The following SPATA9 variants were observed in gnomAD, a reference collection of about 807,000 sequenced individuals.
SPATA9 encodes the protein spermatogenesis-associated protein 9.
A neutral mutation model predicts 25.5 loss-of-function variants in SPATA9; 27 were observed. The observed-to-expected ratio is 1.06, with a 90% confidence interval of 0.78 to 1.46. The LOEUF (loss-of-function observed/expected upper bound fraction) is 1.46. SPATA9 is among the 40% of genes most tolerant of loss of function. The probability of loss-of-function intolerance (pLI) is 0.00; values close to 1 mark genes in which losing one functional copy is unlikely to be tolerated. For missense variants in SPATA9, 282 were observed against 297.5 expected (o/e 0.95, Z 0.38); for synonymous variants, 102 against 105.7 (o/e 0.97, Z 0.21).
At chr5:95,684,409 A>G (rs1350512253), upstream of SPATA9, among the ~76,000 whole-genome samples, 3 of 152,012 alleles carry the variant, frequency 2.0e-5, no homozygotes, top group Admixed American at 6.6e-5. Context: ...ACTGATTCCA[A>G]TGTCATTGCC....
At chr5:95,710,856 T>C in the SPATA9 span, among the ~76,000 whole-genome samples, 1 of 152,192 alleles carries the variant, frequency 6.6e-6, no homozygotes, top group African/African-American at 2.4e-5. Context: ...CTCTTGGTTG[T>C]CAAAAACCTT....
upstream of SPATA9, chr5:95,684,572 C>T (rs1312225024): frequency 1.3e-5 from 2 of 152,212 alleles, no homozygotes; most frequent in African/African-American, 4.8e-5. Flanking sequence ...TAACAACGTC[C>T]TTTTTGTCTT....
Position 95,694,448 on chromosome 5 carries a change from T to C in SPATA9, n.124+4140A>G, listed in dbSNP as rs546795227. The stretch of plus-strand genomic sequence containing the variant: ...GAAAACTGGTCATTTTATGTAAATC[T>C]ACATAACTATAAAAAAGAAAAGTAT... On this transcript the variant is annotated intron_variant and non_coding_transcript_variant, in intron 1 of 2. Coordinates refer to the SPATA9 transcript ENST00000379990. Among the ~76,000 whole-genome samples, 4 of 152,290 alleles carry C rather than the reference T, an allele frequency of 2.6e-5. No individual in the cohort carries two copies. In the South Asian group the frequency reaches 6.2e-4, roughly 24 times the overall value.
At chr5:95,704,607 A>G in the SPATA9 span, among the ~76,000 whole-genome samples, 4 of 152,160 alleles carry the variant, frequency 2.6e-5, no homozygotes, top group African/African-American at 9.6e-5. Context: ...CAGCCCCATA[A>G]TATGTTCCTT....
chr5:95,675,078 CAT>C (rs1752798414), intron 3 of SPATA9, among the ~76,000 whole-genome samples: 3 of 152,066 alleles, frequency 2.0e-5, no homozygotes, highest in Non-Finnish European at 4.4e-5. Flanking sequence ...GCCTTGGAAA[CAT>C]AACAAAGTTA....
chr5:95,705,910 A>G, the SPATA9 span, among the ~76,000 whole-genome samples: 1 of 152,134 alleles, frequency 6.6e-6, no homozygotes, highest in Non-Finnish European at 1.5e-5. Context: ...CTTTTTTGAT[A>G]TTCCAAAAGG....
rs373404552 is a variant in SPATA9 at position 95,663,974 on chromosome 5, T to G, written c.453A>C (p.Ser151=). The G allele has an allele frequency of 1.9e-6, 3 of 1,581,802 alleles. No individual in the cohort carries two copies. Among genetic ancestry groups the G allele is most frequent in the South Asian group, 1.2e-5 (1 of 86,352 alleles). The part of the protein sequence containing the change: ...KTALTSIIYA[S]YAALIYLAVC... ...TTACCAAATAAATTAGTGCTGCATA[T>G]GAAGCATATATTATGCTAGTTAAAG... Residue 151 remains serine, a synonymous_variant, in exon 4 of 5, where the codon TCA becomes TCC. Coordinates refer to ENST00000274432, the MANE Select transcript of SPATA9 (RefSeq NM_031952.4).
the SPATA9 span, among the ~76,000 whole-genome samples, chr5:95,715,187 G>A: frequency 7.9e-5 from 12 of 152,038 alleles, no homozygotes; most frequent in Non-Finnish European, 1.2e-4. Context: ...AGCTGGGCGT[G>A]GTGGTGCATG....
chr5:95,711,599 G>A, the SPATA9 span, among the ~76,000 whole-genome samples: 51 of 152,310 alleles, frequency 3.3e-4, no homozygotes, highest in Middle Eastern at 3.4e-3. Flanking sequence ...AGCCCACAGG[G>A]GACGTCGTCA....
At chr5:95,691,308 C>T (rs1753885189) in intron 1 of SPATA9, among the ~76,000 whole-genome samples, 1 of 151,950 alleles carries the variant, frequency 6.6e-6, no homozygotes, top group Non-Finnish European at 1.5e-5. Flanking sequence ...TCTGAATATC[C>T]AATTGTTTTA....
upstream of SPATA9, among the ~76,000 whole-genome samples, chr5:95,686,838 A>T (rs1411326385): frequency 6.6e-6 from 1 of 152,192 alleles, no homozygotes; most frequent in Admixed American, 6.6e-5. Context: ...TTGATCTCAC[A>T]TTCCACAGGG....
At chr5:95,708,804 G>A in the SPATA9 span, 15 of 592,598 alleles carry the variant, frequency 2.5e-5, no homozygotes, top group Middle Eastern at 9.0e-4. Context: ...TGGAAGTACC[G>A]GCCCTCCAAG....
the SPATA9 span, chr5:95,717,825 TGATTTAGAAGGGACATATAG>T: frequency 6.6e-6 from 1 of 152,204 alleles, no homozygotes; most frequent in African/African-American, 2.4e-5. Context: ...GTGAGAAGAT[TGATTTAGAAGGGACATATAG>T]GATGGGGTTA....
intron 1 of SPATA9, among the ~76,000 whole-genome samples, chr5:95,691,060 CA>C (rs1561419559): frequency 6.6e-6 from 1 of 151,544 alleles, no homozygotes; most frequent in East Asian, 1.9e-4. Flanking sequence ...ACTAAAAATA[CA>C]AAAAATTAGC....
chr5:95,720,596 G>C, the SPATA9 span, among the ~76,000 whole-genome samples: 1 of 151,882 alleles, frequency 6.6e-6, no homozygotes, highest in African/African-American at 2.4e-5. Context: ...TACAATGCTT[G>C]TGCTGAAACA....
At chr5:95,712,377 G>C in the SPATA9 span, among the ~76,000 whole-genome samples, 2 of 152,264 alleles carry the variant, frequency 1.3e-5, no homozygotes, top group East Asian at 3.9e-4. Flanking sequence ...GTTGTAACTG[G>C]TAGAATGCAG....
chr5:95,652,960 G>A, downstream of SPATA9: 1 of 981,390 alleles, frequency 1.0e-6, no homozygotes, highest in South Asian at 1.8e-5. Flanking sequence ...ATACTCTTCA[G>A]TGGCTTTCCT....
chr5:95,656,828 TTTGA>T (rs1360619565), downstream of SPATA9: 1 of 152,828 alleles, frequency 6.5e-6, no homozygotes, highest in Admixed American at 6.5e-5. Flanking sequence ...ACCTCTCCTA[TTTGA>T]TTGTTATTTT....
At chr5:95,660,758 C>A (rs62365880) in intron 4 of SPATA9, among the ~76,000 whole-genome samples, 1 of 152,198 alleles carries the variant, frequency 6.6e-6, no homozygotes, top group Admixed American at 6.5e-5. Flanking sequence ...AATGAACGGT[C>A]TTGATCAAGG....
Sources: allele counts gnomAD v4.1 joint callset (sites outside exome capture counted in the v4.1 genomes callset), GRCh38; gene constraint gnomAD v4.1.1; transcripts MANE v1.5; gene names NCBI Gene and HGNC (gene_info 2026-07-23, HGNC 2026-07-21).